Variants in PTPRS observed in about 807,000 individuals in gnomAD.
The protein encoded by PTPRS is receptor-type tyrosine-protein phosphatase S.
Under a neutral mutation model 215.3 loss-of-function variants are expected in PTPRS, and 63 were observed. The observed-to-expected ratio is 0.29, with a 90% confidence interval of 0.24 to 0.36. PTPRS has a LOEUF of 0.36. PTPRS is among the 10% of genes least tolerant of loss of function. The pLI is 1.00. For synonymous variants in PTPRS, 1,404 were observed against 1,191.4 expected (o/e 1.18, Z -3.68); for missense variants, 2,258 against 2,825.8 (o/e 0.80, Z 4.56).
intron 1 of PTPRS, among the ~76,000 whole-genome samples, chr19:5,298,089 C>T (rs767013670): frequency 6.6e-5 from 10 of 152,156 alleles, no homozygotes; most frequent in African/African-American, 9.7e-5. Flanking sequence ...CCACAGCGCC[C>T]GGCCTCCTTC....
rs748378916 is a variant in PTPRS, at chr19:5,222,673, G to A, written c.3103+16C>T. Reference sequence around the variant, plus strand: ...GGCCCGGTCCGGCTCTGGTGCAGGGGTCGCCGCGCGCCTACCTTGGTCCCG... The same window carrying A: ...GGCCCGGTCCGGCTCTGGTGCAGGGATCGCCGCGCGCCTACCTTGGTCCCG... On this transcript the variant is annotated intron_variant, in intron 18 of 37. Transcript: ENST00000262963. 9.1e-6 allele frequency: 14 copies of A among 1,543,510 alleles called. 2 individuals carry two copies. The South Asian group carries it at 1.4e-4, about 16-fold the overall frequency.
At position 5,206,060 on chromosome 19, in the gene PTPRS, TAAAAAAAAAAAAAA is replaced by T. The variant is rs545658474; in HGVS notation, c.*700_*713del. Among the ~76,000 whole-genome samples, 4 of 70,268 alleles carry T rather than the reference TAAAAAAAAAAAAAA, an allele frequency of 5.7e-5. No homozygotes were observed. In the Admixed American group the frequency reaches 6.5e-4, roughly 11 times the overall value. The allele number at this position is 70,268 out of a possible 152,430, so 46.1% of individuals were successfully genotyped here. A position where few individuals can be genotyped will look rare whatever the true frequency, so the allele number is the denominator to read the frequency against. ...CACACTTTCTGATGGTAGGAAAAAT[TAAAAAAAAAAAAAA>T]AAAAAAAAAAGCCAAGGTACAGCCA... On this transcript the variant is annotated 3_prime_UTR_variant, in exon 38 of 38. Coordinates refer to ENST00000262963, the MANE Select transcript of PTPRS (RefSeq NM_002850.4).
chr19:5,222,313 G>T, intron 18 of PTPRS, 93 bp from the exon 19 acceptor site: 1 of 1,059,108 alleles, frequency 9.4e-7, no homozygotes. Flanking sequence ...GGGTGGGGCG[G>T]CCCAGGCGCT....
At chr19:5,322,884 A>G (rs2147227157) in intron 1 of PTPRS, among the ~76,000 whole-genome samples, 1 of 131,288 alleles carries the variant, frequency 7.6e-6, no homozygotes, top group Middle Eastern at 3.5e-3. Context: ...CGTCTCAAAA[A>G]AAAAAAAAAA....
intron 16 of PTPRS, 53 bp from the exon 17 acceptor site, chr19:5,225,897 C>G: frequency 2.1e-6 from 3 of 1,399,126 alleles, no homozygotes; most frequent in Non-Finnish European, 3.0e-6. Context: ...AGCAGCCCCA[C>G]CCACCCCCAC....
chr19:5,324,953 T>C (rs911578394), intron 1 of PTPRS, among the ~76,000 whole-genome samples: 3 of 152,222 alleles, frequency 2.0e-5, no homozygotes, highest in African/African-American at 7.2e-5. Flanking sequence ...CCAAGGTTCA[T>C]GTTCTGCCAC....
At chr19:5,300,528 T>C (rs530495023) in intron 1 of PTPRS, among the ~76,000 whole-genome samples, 56 of 152,000 alleles carry the variant, frequency 3.7e-4, no homozygotes, top group African/African-American at 1.2e-3. Flanking sequence ...CCCAACACTT[T>C]GGGAGGCCGA....
intron 2 of PTPRS, among the ~76,000 whole-genome samples, chr19:5,285,431 C>T (rs533265390): frequency 6.6e-6 from 1 of 152,356 alleles, no homozygotes; most frequent in African/African-American, 2.4e-5. Context: ...ATACCAACCT[C>T]TTTCATCTGC....
chr19:5,252,873 C>CA (rs769636796), intron 9 of PTPRS, among the ~76,000 whole-genome samples: 11,648 of 43,450 alleles, frequency 0.27, 1,288 homozygotes, highest in African/African-American at 0.38. Flanking sequence ...AACTCCATCT[C>CA]AAAAAAAAAA....
chr19:5,338,467 C>T lies in PTPRS; in HGVS notation c.-95+2197G>A, dbSNP rs2050578807. Among the ~76,000 whole-genome samples the T allele has an allele frequency of 6.6e-6, 1 of 152,122 alleles. No individual in the cohort carries two copies. Among genetic ancestry groups the T allele is most frequent in the East Asian group, 1.9e-4 (1 of 5,160 alleles). ...AAATAATGAAGACTCCGCCAGCCTGCCAGCCAGAAAGAGATGCCCCACGGA... is the reference window on the plus strand; with the variant it reads ...AAATAATGAAGACTCCGCCAGCCTGTCAGCCAGAAAGAGATGCCCCACGGA... On this transcript the variant is annotated intron_variant, in intron 1 of 37. Transcript: ENST00000262963. The surrounding 1 kb of genome is among the most constrained non-coding windows in gnomAD (Gnocchi z 4.2).
At chr19:5,218,847 G>A (rs377130841) in intron 23 of PTPRS, 49 bp from the exon 24 acceptor site, 1 of 1,556,198 alleles carries the variant, frequency 6.4e-7, no homozygotes, top group Non-Finnish European at 8.7e-7. Context: ...AAAGAAGAAA[G>A]GTGAGGGTGT....
chr19:5,223,070 G>A lies in PTPRS; in HGVS notation c.2722C>T (p.Arg908Trp), dbSNP rs370397015. ...GATYVFRLAARSRGGLGEEAA... is the reference protein window; with the variant it reads ...GATYVFRLAAWSRGGLGEEAA... Reference sequence around the variant, plus strand: ...TCCTCGCCCAGGCCGCCGCGGCTCCGGGCCGCAAGCCGGAACACATACGTG... The same window carrying A: ...TCCTCGCCCAGGCCGCCGCGGCTCCAGGCCGCAAGCCGGAACACATACGTG... The change falls in exon 18 of 38, where the codon CGG becomes TGG. Residue 908 changes from arginine to tryptophan, a missense_variant. By Grantham distance (101) the Arg-to-Trp change is moderately radical. Around this residue, in one of 6 missense-constraint regions of PTPRS, gnomAD observed 361 missense variants for 332.6 expected, o/e 1.09. Transcript: ENST00000262963. 3.9e-5 allele frequency: 61 copies of A among 1,555,488 alleles called. No homozygotes were observed. The highest frequency in any genetic ancestry group is 2.5e-4 in the African/African-American group (18 of 73,386).
At position 5,294,796 on chromosome 19, in the gene PTPRS, G is replaced by A. The variant is rs951824550; in HGVS notation, c.-94-8562C>T. The A allele has an allele frequency of 1.3e-5, 2 of 152,290 alleles. No individual in the cohort carries two copies. The highest frequency in any genetic ancestry group is 1.3e-4 in the Admixed American group (2 of 15,286). 9.4% of individuals were successfully genotyped at this position (152,290 alleles called of 1,614,324 possible). Reference sequence around the variant, plus strand: ...AGTCCACAAAGCACCATGCACAGTAGGTGGTCTGTGAGTGTCTGCACACAG... The same window carrying A: ...AGTCCACAAAGCACCATGCACAGTAAGTGGTCTGTGAGTGTCTGCACACAG... On this transcript the variant is annotated intron_variant, in intron 1 of 37. Coordinates refer to ENST00000262963, the MANE Select transcript of PTPRS (RefSeq NM_002850.4). This position sits in a 1 kb window ranked among gnomAD's most constrained non-coding sequence, Gnocchi z 5.1.
Position 5,220,357 on chromosome 19 carries a change from T to C in PTPRS, c.3456-4A>G, listed in dbSNP as rs748109985. 3 of 1,611,830 alleles carry C rather than the reference T, an allele frequency of 1.9e-6. No individual in the cohort carries two copies. Among genetic ancestry groups the C allele is most frequent in the Middle Eastern group, 3.3e-4 (2 of 6,058 alleles). ...CACCATCACAATGAAATAGCTCCTG[T>C]AGGGAGATGGGAAAGAGTCAGAGGG... On this transcript the variant is annotated splice_polypyrimidine_tract_variant and splice_region_variant and intron_variant, in intron 20 of 37. Transcript: ENST00000262963.
At chr19:5,213,197 C>T (rs1046230175) in intron 30 of PTPRS, among the ~76,000 whole-genome samples, 25 of 152,214 alleles carry the variant, frequency 1.6e-4, no homozygotes, top group South Asian at 4.1e-4. Flanking sequence ...CCCTCTTTGC[C>T]GCAGACCTTG....
rs201364003 is a variant in PTPRS, at chr19:5,206,242, G to C, written c.*532C>G. On this transcript the variant is annotated 3_prime_UTR_variant, in exon 38 of 38. Coordinates refer to ENST00000262963, the MANE Select transcript of PTPRS (RefSeq NM_002850.4). Reference sequence around the variant, plus strand: ...TCATTGACTGGCGAGTCTTTTGTTTGTTTCTCTTAAAAAAAAAAATGGAAA... The same window carrying C: ...TCATTGACTGGCGAGTCTTTTGTTTCTTTCTCTTAAAAAAAAAAATGGAAA... 6.0e-6 allele frequency: 1 copy of C among 167,498 alleles called. No homozygotes were observed. Among genetic ancestry groups the C allele is most frequent in the Non-Finnish European group, 1.1e-5 (1 of 88,356 alleles). 10.4% of individuals were successfully genotyped at this position (167,498 alleles called of 1,614,324 possible). A position where few individuals can be genotyped will look rare whatever the true frequency, so the allele number is the denominator to read the frequency against.
intron 2 of PTPRS, among the ~76,000 whole-genome samples, chr19:5,275,627 G>A (rs905432190): frequency 1.4e-4 from 21 of 152,160 alleles, no homozygotes; most frequent in Admixed American, 1.4e-3. Context: ...CCAACATGGT[G>A]AAACCCCGTC....
At chr19:5,282,031 TG>T (rs765277608) in intron 2 of PTPRS, among the ~76,000 whole-genome samples, 5 of 152,194 alleles carry the variant, frequency 3.3e-5, no homozygotes, top group Admixed American at 6.5e-5. Context: ...CACCGCAGCC[TG>T]GGCGTCCCCA....
intron 11 of PTPRS, among the ~76,000 whole-genome samples, chr19:5,241,864 T>C (rs2145906002): frequency 6.6e-6 from 1 of 151,628 alleles, no homozygotes; most frequent in South Asian, 2.1e-4. Context: ...AGACAGAGTT[T>C]CGCTCTTGTT....
Sources: allele counts gnomAD v4.1 joint callset (sites outside exome capture counted in the v4.1 genomes callset), GRCh38; gene constraint gnomAD v4.1.1; regional missense constraint gnomAD v4.1.1; non-coding constraint Gnocchi (gnomAD v3.1); transcripts MANE v1.5; gene names NCBI Gene and HGNC (gene_info 2026-07-23, HGNC 2026-07-21).